The following THSD4 variants were observed in gnomAD, a reference collection of about 807,000 sequenced individuals.
The protein encoded by THSD4 is thrombospondin type 1 domain containing 4, also known as thrombospondin type-1 domain-containing protein 4.
Under a neutral mutation model 119.0 loss-of-function variants are expected in THSD4, and 69 were observed. The ratio of observed to expected loss-of-function variants is 0.58; its 90% CI spans 0.48 to 0.71. The LOEUF is 0.71. THSD4 is among the 30% of genes least tolerant of loss of function. THSD4 has a pLI of 0.00. For synonymous variants in THSD4, 524 were observed against 540.4 expected (o/e 0.97, Z 0.42); for missense variants, 1,393 against 1,391.1 (o/e 1.00, Z -0.02).
rs1207990258 is a variant in THSD4 at position 71,243,077 on chromosome 15, A to T, written c.893A>T (p.Tyr298Phe). Residue 298 changes from tyrosine to phenylalanine, a missense_variant, in exon 5 of 18, where the codon TAC (tyrosine) becomes TTC (phenylalanine). Tyr to Phe is a conservative substitution (Grantham distance 22). Transcript: ENST00000261862. ...TCATGCATCGGGGCCTATCGGCAGTACAAGCTGTGCAACACCAACGTGAGT... is the reference window on the plus strand; with the variant it reads ...TCATGCATCGGGGCCTATCGGCAGTTCAAGCTGTGCAACACCAACGTGAGT... ...AISCIGAYRQ[Y>F]KLCNTNVCPE... 6 of 1,613,682 alleles carry T rather than the reference A, an allele frequency of 3.7e-6. No homozygotes were observed. The highest frequency in any genetic ancestry group is 5.1e-6 in the Non-Finnish European group (6 of 1,179,746).
intron 4 of THSD4, among the ~76,000 whole-genome samples, chr15:71,238,466 C>T (rs2044125127): frequency 6.6e-6 from 1 of 152,228 alleles, no homozygotes; most frequent in South Asian, 2.1e-4. Context: ...TTAGCAGTCA[C>T]TCTCTTTTCC....
intron 1 of THSD4, among the ~76,000 whole-genome samples, chr15:71,118,847 G>T (rs757596126): frequency 7.2e-5 from 11 of 152,228 alleles, no homozygotes; most frequent in Admixed American, 7.2e-4. Context: ...CTGGCTTTAG[G>T]CTGCTTTGCT....
chr15:71,279,114 C>T (rs1469916575), intron 6 of THSD4, among the ~76,000 whole-genome samples: 1 of 152,138 alleles, frequency 6.6e-6, no homozygotes, highest in East Asian at 1.9e-4. Flanking sequence ...GCTGTGATCA[C>T]GTGGCCTGCC....
chr15:71,614,175 GAAGT>G (rs2050282171), intron 7 of THSD4, among the ~76,000 whole-genome samples: 2 of 152,186 alleles, frequency 1.3e-5, no homozygotes, highest in African/African-American at 2.4e-5. Flanking sequence ...CCCAAAAGTA[GAAGT>G]AAGTACAGAG....
In THSD4 at chr15:71,745,320, C is replaced by A. The variant is rs533951328; in HGVS notation, c.2036+85C>A. ...CAGGACCTTAGGAACAGATATAAGT[C>A]AGTCTAAATCTGAGTTAGAAATACA... On this transcript the variant is annotated intron_variant, in intron 12 of 17. Coordinates refer to ENST00000261862, the MANE Select transcript of THSD4 (RefSeq NM_024817.3). The A allele has an allele frequency of 3.3e-6, 5 of 1,496,594 alleles. No homozygotes were observed. The South Asian group carries it at 6.5e-5, about 19-fold the overall frequency. 92.7% of individuals were successfully genotyped at this position (1,496,594 alleles called of 1,614,324 possible).
intron 9 of THSD4, 56 bp from the exon 10 acceptor site, chr15:71,731,065 C>A (rs1156721145): frequency 1.3e-6 from 2 of 1,561,674 alleles, no homozygotes; most frequent in Non-Finnish European, 8.8e-7. Context: ...CCATTGAAAC[C>A]CAGAAGGGGT....
At chr15:71,314,860 C>G (rs1253027196) in intron 6 of THSD4, among the ~76,000 whole-genome samples, 2 of 152,120 alleles carry the variant, frequency 1.3e-5, no homozygotes. Context: ...ACAAATGTAA[C>G]TTAGTATGTC....
chr15:71,473,577 C>A (rs961993851), intron 7 of THSD4, among the ~76,000 whole-genome samples: 8 of 152,136 alleles, frequency 5.3e-5, no homozygotes, highest in Non-Finnish European at 1.2e-4. Flanking sequence ...ATGCTCATAT[C>A]ATTGTAAGGA....
chr15:71,528,261 C>G (rs2048556658), intron 7 of THSD4, among the ~76,000 whole-genome samples: 1 of 152,066 alleles, frequency 6.6e-6, no homozygotes, highest in African/African-American at 2.4e-5. Flanking sequence ...ATGCTCTTGC[C>G]CATGTATCGT....
intron 6 of THSD4, among the ~76,000 whole-genome samples, chr15:71,275,293 C>A (rs1477572464): frequency 6.6e-6 from 1 of 152,144 alleles, no homozygotes; most frequent in African/African-American, 2.4e-5. Flanking sequence ...TAAAAACAAA[C>A]AAATGTGTTT....
chr15:71,299,091 A>G (rs891420895), intron 6 of THSD4, among the ~76,000 whole-genome samples: 7 of 152,200 alleles, frequency 4.6e-5, no homozygotes, highest in African/African-American at 1.7e-4. Context: ...CAATAACCAC[A>G]TAGCAGAATG....
At position 71,400,319 on chromosome 15, in the gene THSD4, A is replaced by T. The variant is rs12595596; in HGVS notation, c.1016-11368A>T. Among the ~76,000 whole-genome samples, 40 of 152,300 alleles carry T rather than the reference A, an allele frequency of 2.6e-4. No homozygotes were observed. In the East Asian group the frequency reaches 7.5e-3, roughly 29 times the overall value. Reference sequence around the variant, plus strand: ...CTTTTTCAGAACAGGAAAAGCTAAGACTTAGTCTCACCCCTCTTCTGACTT... The same window carrying T: ...CTTTTTCAGAACAGGAAAAGCTAAGTCTTAGTCTCACCCCTCTTCTGACTT... On this transcript the variant is annotated intron_variant, in intron 6 of 17. Coordinates refer to ENST00000261862, the MANE Select transcript of THSD4 (RefSeq NM_024817.3).
chr15:71,180,156 T>TAAAAAAAAAAAAAATA (rs2043497646), intron 3 of THSD4, among the ~76,000 whole-genome samples: 3 of 22,798 alleles, frequency 1.3e-4, no homozygotes, highest in African/African-American at 1.9e-4. Flanking sequence ...AAAAAAACAT[T>TAAAAAAAAAAAAAATA]AAAAAAAAAA....
intron 7 of THSD4, among the ~76,000 whole-genome samples, chr15:71,415,443 A>G (rs542262087): frequency 6.6e-6 from 1 of 152,316 alleles, no homozygotes; most frequent in African/African-American, 2.4e-5. Context: ...TATAGAGTAC[A>G]TGAGATAATT....
intron 3 of THSD4, among the ~76,000 whole-genome samples, chr15:71,189,605 G>C (rs1011951861): frequency 6.6e-6 from 1 of 151,886 alleles, no homozygotes; most frequent in Non-Finnish European, 1.5e-5. Flanking sequence ...GGGAGGTGGA[G>C]CTTACAGTGA....
intron 7 of THSD4, among the ~76,000 whole-genome samples, chr15:71,606,527 G>GTTTATTTA (rs60265226): frequency 0.028 from 4,202 of 150,924 alleles, 69 homozygotes; most frequent in Middle Eastern, 0.041. Flanking sequence ...AATGGCAATT[G>GTTTATTTA]TTTATTTATT....
At chr15:71,379,062 G>C (rs775697406) in intron 6 of THSD4, among the ~76,000 whole-genome samples, 4 of 152,194 alleles carry the variant, frequency 2.6e-5, no homozygotes, top group African/African-American at 7.2e-5. Flanking sequence ...GGGATTATAG[G>C]CATGAGCCAC....
At chr15:71,668,944 T>TA (rs1300890981) in intron 8 of THSD4, among the ~76,000 whole-genome samples, 1 of 152,246 alleles carries the variant, frequency 6.6e-6, no homozygotes, top group Non-Finnish European at 1.5e-5. Flanking sequence ...AAAGGTTCTC[T>TA]AACAAGTACT....
chr15:71,126,376 C>T (rs905255295), intron 1 of THSD4, among the ~76,000 whole-genome samples: 7 of 152,202 alleles, frequency 4.6e-5, no homozygotes, highest in African/African-American at 1.7e-4. Flanking sequence ...CCCCTTTCCC[C>T]CTCGGGTGTT....
Sources: gnomAD v4.1 joint callset for allele counts (sites outside exome capture counted in the v4.1 genomes callset) on GRCh38, gnomAD v4.1.1 for gene constraint, MANE v1.5 for transcripts, NCBI Gene and HGNC (gene_info 2026-07-23, HGNC 2026-07-21) for gene names.